The following TBXAS1 variants were observed in gnomAD, a reference collection of about 807,000 sequenced individuals.
TBXAS1 encodes the protein thromboxane-A synthase.
In TBXAS1, 48 loss-of-function variants were observed where a neutral mutation model predicts 60.7. That is an observed-to-expected ratio of 0.79 (90% CI 0.63 to 1.01). The LOEUF is 1.01. TBXAS1 is among the 50% of genes least tolerant of loss of function. TBXAS1 has a pLI of 0.00. For missense variants in TBXAS1, 685 were observed against 686.3 expected (o/e 1.00, Z 0.02); for synonymous variants, 287 against 269.7 (o/e 1.06, Z -0.63).
chr7:139,990,650 C>A (rs971628587), intron 9 of TBXAS1, among the ~76,000 whole-genome samples: 2 of 152,086 alleles, frequency 1.3e-5, no homozygotes, highest in African/African-American at 4.8e-5. Flanking sequence ...CTCTCGGGGC[C>A]GCTCTGGTGG....
chr7:140,017,921 G>A (rs1270221383), intron 12 of TBXAS1, 88 bp downstream of exon 12: 3 of 1,567,786 alleles, frequency 1.9e-6, no homozygotes, highest in Non-Finnish European at 2.6e-6. Flanking sequence ...CAGCCTGGGG[G>A]CAACATCAGG....
chr7:139,807,235 C>T (rs575126984), intron 4 of TBXAS1, among the ~76,000 whole-genome samples: 1 of 152,216 alleles, frequency 6.6e-6, no homozygotes, highest in South Asian at 2.1e-4. Flanking sequence ...GATTCTGTTT[C>T]CTGCTCTGCC....
intron 9 of TBXAS1, among the ~76,000 whole-genome samples, chr7:139,981,534 A>T (rs1811981811): frequency 6.6e-6 from 1 of 152,214 alleles, no homozygotes; most frequent in Admixed American, 6.5e-5. Context: ...CAGCACAGAG[A>T]TTCAAAATAC....
At chr7:139,823,376 G>A (rs975090771) in intron 4 of TBXAS1, among the ~76,000 whole-genome samples, 16 of 151,986 alleles carry the variant, frequency 1.1e-4, no homozygotes, top group African/African-American at 3.9e-4. Context: ...TTTTCTAGAA[G>A]AAGGACTGAA....
chr7:139,827,978 A>G (rs141499271), upstream of TBXAS1, among the ~76,000 whole-genome samples: 118 of 152,302 alleles, frequency 7.7e-4, no homozygotes, highest in Non-Finnish European at 1.4e-3. Flanking sequence ...TCTTTTTACA[A>G]TGAATTTCCC....
intron 5 of TBXAS1, among the ~76,000 whole-genome samples, chr7:139,938,280 G>T (rs546790134): frequency 6.6e-6 from 1 of 152,244 alleles, no homozygotes; most frequent in African/African-American, 2.4e-5. Flanking sequence ...CACTTGGGGG[G>T]CTTTGAAAAC....
chr7:139,850,468 G>A (rs1293057811), intron 1 of TBXAS1, among the ~76,000 whole-genome samples: 1 of 152,178 alleles, frequency 6.6e-6, no homozygotes, highest in African/African-American at 2.4e-5. Context: ...GGGTGGTGTG[G>A]AAGATCCTTC....
chr7:139,889,849 A>G (rs1803419343), intron 3 of TBXAS1, among the ~76,000 whole-genome samples: 1 of 152,180 alleles, frequency 6.6e-6, no homozygotes, highest in South Asian at 2.1e-4. Flanking sequence ...CAACATATGA[A>G]TCTGTTGGGG....
intron 5 of TBXAS1, among the ~76,000 whole-genome samples, chr7:139,936,769 A>G (rs149618866): frequency 6.6e-6 from 1 of 152,366 alleles, no homozygotes; most frequent in African/African-American, 2.4e-5. Context: ...ACCACACTTT[A>G]CATAGCAAGA....
chr7:139,794,375 C>A (rs1044978458), intron 4 of TBXAS1, among the ~76,000 whole-genome samples: 1 of 152,182 alleles, frequency 6.6e-6, no homozygotes, highest in Admixed American at 6.5e-5. Flanking sequence ...GCTGGTATTA[C>A]AGGCATCAGC....
chr7:139,827,931 C>T (rs547022594), upstream of TBXAS1, among the ~76,000 whole-genome samples: 3 of 152,352 alleles, frequency 2.0e-5, no homozygotes, highest in South Asian at 6.2e-4. Context: ...TTTGTCTCAA[C>T]TCTGGATAAC....
chr7:139,838,944 A>G (rs1244369799), intron 1 of TBXAS1, among the ~76,000 whole-genome samples: 1 of 152,208 alleles, frequency 6.6e-6, no homozygotes, highest in Non-Finnish European at 1.5e-5. Flanking sequence ...TTTTTCCCAT[A>G]TAAAATGGTT....
At chr7:139,881,266 G>A (rs1032141394) in intron 3 of TBXAS1, among the ~76,000 whole-genome samples, 5 of 152,054 alleles carry the variant, frequency 3.3e-5, no homozygotes, top group Admixed American at 3.3e-4. Context: ...ATTTGTTTTT[G>A]TGTTGTTGAC....
At chr7:139,779,909 G>A (rs1057496664) in intron 1 of TBXAS1, among the ~76,000 whole-genome samples, 8 of 152,076 alleles carry the variant, frequency 5.3e-5, no homozygotes, top group Admixed American at 3.9e-4. Flanking sequence ...TTGCCCAAGC[G>A]GTCACTTTCC....
Position 139,778,960 on chromosome 7 carries a change from T to C in TBXAS1, c.-318+489T>C, listed in dbSNP as rs1047648481. On this transcript the variant is annotated intron_variant, in intron 1 of 16. Transcript: ENST00000336425. This position sits in a 1 kb window ranked among gnomAD's most constrained non-coding sequence, Gnocchi z 4.8. ...ACACAGTAATAGATCATAAAATAAA[T>C]GCAGCGGAAGGCAACCAGCTTTCAA... Among the ~76,000 whole-genome samples the C allele has an allele frequency of 1.3e-5, 2 of 152,142 alleles. No individual in the cohort carries two copies. The highest frequency in any genetic ancestry group is 2.9e-5 in the Non-Finnish European group (2 of 68,018).
intron 6 of TBXAS1, among the ~76,000 whole-genome samples, chr7:139,953,997 C>T (rs1253825148): frequency 6.6e-6 from 1 of 152,156 alleles, no homozygotes; most frequent in African/African-American, 2.4e-5. Context: ...TTTCTTAAAA[C>T]ATTGTGAGTT....
At chr7:139,984,058 G>A (rs1174759656) in intron 9 of TBXAS1, among the ~76,000 whole-genome samples, 2 of 152,184 alleles carry the variant, frequency 1.3e-5, no homozygotes, top group Non-Finnish European at 2.9e-5. Flanking sequence ...GAAGTAGGAT[G>A]AAGATGGCTG....
chr7:139,873,748 G>A (rs578222928), intron 2 of TBXAS1, among the ~76,000 whole-genome samples: 44 of 152,188 alleles, frequency 2.9e-4, no homozygotes, highest in Non-Finnish European at 5.0e-4. Context: ...TATGGTCTAC[G>A]GTTATTTTTT....
chr7:139,952,669 A>T (rs1159118206), intron 5 of TBXAS1: 1 of 1,535,956 alleles, frequency 6.5e-7, no homozygotes, highest in Non-Finnish European at 8.7e-7. Context: ...AATCTCCATT[A>T]TGCCACTCTA....
Sources: allele counts gnomAD v4.1 joint callset (sites outside exome capture counted in the v4.1 genomes callset), GRCh38; gene constraint gnomAD v4.1.1; non-coding constraint Gnocchi (gnomAD v3.1); transcripts MANE v1.5; gene names NCBI Gene and HGNC (gene_info 2026-07-23, HGNC 2026-07-21).